VWC2: variants seen among roughly 807,000 people sequenced by gnomAD.
VWC2 encodes the protein von Willebrand factor C domain containing 2.
A neutral mutation model predicts 29.8 loss-of-function variants in VWC2; 14 were observed. The ratio of observed to expected loss-of-function variants is 0.47; its 90% confidence interval spans 0.31 to 0.74. VWC2 has a LOEUF of 0.74. VWC2 is among the 30% of genes least tolerant of loss of function. The pLI is 0.05. For missense variants in VWC2, 457 were observed against 459.8 expected, an observed-to-expected ratio of 0.99 and a Z score of 0.05; for synonymous variants, 213 against 199.0, an observed-to-expected ratio of 1.07 and a Z score of -0.59.
intron 3 of VWC2, among the ~76,000 whole-genome samples, chr7:49,870,113 C>T (rs1791079864): frequency 6.6e-6 from 1 of 152,078 alleles, no homozygotes; most frequent in Non-Finnish European, 1.5e-5. Flanking sequence ...GGAGTGAAAA[C>T]ATTTTCGCTG....
At chr7:49,774,364 G>C (rs1371329937) in intron 1 of VWC2, among the ~76,000 whole-genome samples, 2 of 152,222 alleles carry the variant, frequency 1.3e-5, no homozygotes, top group Non-Finnish European at 2.9e-5. Context: ...ACGCACCGGA[G>C]TGCGCAGAGT....
At chr7:49,783,289 G>A (rs1788217910) in intron 2 of VWC2, among the ~76,000 whole-genome samples, 1 of 152,134 alleles carries the variant, frequency 6.6e-6, no homozygotes, top group Non-Finnish European at 1.5e-5. Context: ...GTAGTGTGGT[G>A]TGTGAGGCAC....
intron 2 of VWC2, among the ~76,000 whole-genome samples, chr7:49,795,481 C>T (rs570429855): frequency 7.9e-5 from 12 of 152,282 alleles, no homozygotes; most frequent in East Asian, 7.7e-4. Context: ...CACACACCAT[C>T]GGTCCCTTCT....
chr7:49,886,957 C>T (rs1286254852), intron 3 of VWC2, among the ~76,000 whole-genome samples: 1 of 151,512 alleles, frequency 6.6e-6, no homozygotes, highest in Non-Finnish European at 1.5e-5. Flanking sequence ...TTTCTTTTGA[C>T]TTGTCTTGTT....
At chr7:49,782,247 A>T (rs2077277884) in intron 2 of VWC2, among the ~76,000 whole-genome samples, 1 of 152,138 alleles carries the variant, frequency 6.6e-6, no homozygotes. Context: ...TGTGTGATTC[A>T]CCCATGCTCC....
At chr7:49,828,720 C>T (rs539649410) in intron 3 of VWC2, among the ~76,000 whole-genome samples, 17 of 152,206 alleles carry the variant, frequency 1.1e-4, no homozygotes, top group Middle Eastern at 3.4e-3. Context: ...GCCTCTCCCA[C>T]GGTTAATCAG....
intron 2 of VWC2, among the ~76,000 whole-genome samples, chr7:49,794,981 TGTTA>T (rs1229655649): frequency 6.6e-6 from 1 of 152,248 alleles, no homozygotes; most frequent in African/African-American, 2.4e-5. Flanking sequence ...TCAGCCATTT[TGTTA>T]GTTTCTCTTC....
chr7:49,807,664 A>C (rs1333170677), intron 3 of VWC2, among the ~76,000 whole-genome samples: 1 of 152,216 alleles, frequency 6.6e-6, no homozygotes, highest in Non-Finnish European at 1.5e-5. Context: ...GAAGGCTAAA[A>C]CAATAATGCT....
At position 49,775,383 on chromosome 7, in the gene VWC2, C is replaced by G. The variant is rs1436585554; in HGVS notation, c.-53C>G. On this transcript the variant is annotated 5_prime_UTR_variant, in exon 2 of 4. Transcript: ENST00000340652. ...GCGCGCCCCCGGGCTGTGAATGCGA[C>G]TCGCCCCTCGGCCGCGCTCCCCGCC... 1 of 1,317,154 alleles carries G rather than the reference C, an allele frequency of 7.6e-7. No individual in the cohort carries two copies. The highest frequency in any genetic ancestry group is 9.7e-7 in the Non-Finnish European group (1 of 1,034,998). The allele number at this position is 1,317,154 out of a possible 1,614,324, so 81.6% of individuals were successfully genotyped here.
intron 3 of VWC2, among the ~76,000 whole-genome samples, chr7:49,835,140 A>C (rs1789628069): frequency 6.6e-6 from 1 of 152,196 alleles, no homozygotes; most frequent in Non-Finnish European, 1.5e-5. Context: ...AACATTGGTC[A>C]GTGATTGGCT....
chr7:49,848,950 C>G (rs1465171278), intron 3 of VWC2, among the ~76,000 whole-genome samples: 2 of 152,186 alleles, frequency 1.3e-5, no homozygotes, highest in Non-Finnish European at 2.9e-5. Flanking sequence ...TATGATAGCA[C>G]AAAAAGTTAT....
chr7:49,876,431 G>T (rs1209021778), intron 3 of VWC2, among the ~76,000 whole-genome samples: 3 of 152,070 alleles, frequency 2.0e-5, no homozygotes, highest in Non-Finnish European at 4.4e-5. Flanking sequence ...AACAGCACCT[G>T]TCTCCTAGAG....
At position 49,916,984 on chromosome 7, in the gene VWC2, T is replaced by G. The variant is rs1208017519; in HGVS notation, c.*4799T>G. The G allele has an allele frequency of 6.6e-6, 1 of 152,246 alleles. No homozygotes were observed. The highest frequency in any genetic ancestry group is 1.5e-5 in the Non-Finnish European group (1 of 68,044). The allele number at this position is 152,246 out of a possible 1,614,324, so 9.4% of individuals were successfully genotyped here. A position where few individuals can be genotyped will look rare whatever the true frequency, so the allele number is the denominator to read the frequency against. On this transcript the variant is annotated 3_prime_UTR_variant, in exon 4 of 4. Transcript: ENST00000340652. ...ATTGTATTGAAGAGACACTGGCCCT[T>G]TATGATAAAGGAAGTCAAGTTTACA...
rs1288656666 is a variant in VWC2 at position 49,892,464 on chromosome 7, A to G, written c.827-19570A>G. ...TATTGAGGAAAAGAAGTCCTGCTAT[A>G]CAGGGGTATATACATTATGATTATC... On this transcript the variant is annotated intron_variant, in intron 3 of 3. Coordinates refer to ENST00000340652, the MANE Select transcript of VWC2 (RefSeq NM_198570.5). Among the ~76,000 whole-genome samples, 3 of 152,228 alleles carry G rather than the reference A, an allele frequency of 2.0e-5. No individual in the cohort carries two copies. In the East Asian group the frequency reaches 5.8e-4, roughly 29 times the overall value.
Position 49,873,906 on chromosome 7 carries a change from TAA to T in VWC2, c.827-38117_827-38116del, listed in dbSNP as rs11326386. ...AGAAATGTCAAAACATATAATTAAG[TAA>T]AAAAAAAAAACAACAAAAAAAAGAT... On this transcript the variant is annotated intron_variant, in intron 3 of 3. Transcript: ENST00000340652. 1.4e-3 allele frequency among the ~76,000 whole-genome samples: 205 copies of T among 146,476 alleles called. 1 individual carries two copies. Among genetic ancestry groups the T allele is most frequent in the Non-Finnish European group, 1.5e-3 (97 of 66,606 alleles).
intron 3 of VWC2, among the ~76,000 whole-genome samples, chr7:49,862,575 T>C (rs1790698279): frequency 6.6e-6 from 1 of 152,146 alleles, no homozygotes; most frequent in Non-Finnish European, 1.5e-5. Context: ...TATTTCACCA[T>C]TGAGTAAAAT....
intron 3 of VWC2, among the ~76,000 whole-genome samples, chr7:49,865,761 C>A (rs1308319443): frequency 6.6e-6 from 1 of 152,210 alleles, no homozygotes; most frequent in African/African-American, 2.4e-5. Context: ...ACAAGCCAGC[C>A]TCCTGATCCA....
At chr7:49,902,084 G>T (rs972596681) in intron 3 of VWC2, among the ~76,000 whole-genome samples, 1 of 151,858 alleles carries the variant, frequency 6.6e-6, no homozygotes, top group Non-Finnish European at 1.5e-5. Context: ...CATAAAAGTC[G>T]TAGAAGATCA....
intron 3 of VWC2, among the ~76,000 whole-genome samples, chr7:49,885,802 C>T (rs921361347): frequency 2.0e-5 from 3 of 152,140 alleles, no homozygotes; most frequent in South Asian, 4.2e-4. Flanking sequence ...CCACTAGCAC[C>T]GGGGACGCAG....
Sources: gnomAD v4.1 joint callset for allele counts (sites outside exome capture counted in the v4.1 genomes callset) on GRCh38, gnomAD v4.1.1 for gene constraint, MANE v1.5 for transcripts, NCBI Gene and HGNC (gene_info 2026-07-23, HGNC 2026-07-21) for gene names.